The following NCALD variants were observed in gnomAD, a reference collection of about 807,000 sequenced individuals.
The protein encoded by NCALD is neurocalcin-delta.
A neutral mutation model predicts 18.6 loss-of-function variants in NCALD; 10 were observed. That is an observed-to-expected ratio of 0.54 (90% CI 0.33 to 0.91). The LOEUF is 0.91. NCALD is among the 40% of genes least tolerant of loss of function. The probability of loss-of-function intolerance (pLI) is 0.03; values close to 1 mark genes in which losing one functional copy is unlikely to be tolerated. For missense variants in NCALD, 184 were observed against 247.6 expected (o/e 0.74, Z 1.72); for synonymous variants, 88 against 87.4 (o/e 1.01, Z -0.04).
intron 1 of NCALD, among the ~76,000 whole-genome samples, chr8:102,121,114 T>A (rs1825932448): frequency 1.3e-5 from 2 of 152,172 alleles, no homozygotes; most frequent in African/African-American, 4.8e-5. Context: ...AACCAATATG[T>A]CTCAGCTTCA....
At position 101,867,251 on chromosome 8, in the gene NCALD, A is replaced by T. The variant is rs1815810573; in HGVS notation, c.-20+19890T>A. 3.9e-5 allele frequency among the ~76,000 whole-genome samples: 6 copies of T among 152,064 alleles called. No homozygotes were observed. In the South Asian group the frequency reaches 1.3e-3, roughly 32 times the overall value. ...AAATTTCAAACCGCCCCTACCTTCAATTTTCCTAGTTTTTTTCCCCTTAGC... is the reference window on the plus strand; with the variant it reads ...AAATTTCAAACCGCCCCTACCTTCATTTTTCCTAGTTTTTTTCCCCTTAGC... On this transcript the variant is annotated intron_variant, in intron 4 of 6. Transcript: ENST00000311028.
upstream of NCALD, among the ~76,000 whole-genome samples, chr8:101,791,982 C>A (rs1812463863): frequency 6.6e-6 from 1 of 152,130 alleles, no homozygotes; most frequent in Non-Finnish European, 1.5e-5. Flanking sequence ...CCAGTTAATT[C>A]TCTTTCTTAA....
chr8:101,792,454 T>C (rs1280269801), upstream of NCALD, among the ~76,000 whole-genome samples: 2 of 152,238 alleles, frequency 1.3e-5, no homozygotes, highest in Non-Finnish European at 2.9e-5. Flanking sequence ...CTGATGCGAT[T>C]AGCTGTGGCA....
chr8:102,005,883 T>TG (rs769258109), intron 2 of NCALD, among the ~76,000 whole-genome samples: 2 of 13,428 alleles, frequency 1.5e-4, no homozygotes, highest in African/African-American at 3.0e-4. Flanking sequence ...TGTTGTGGGG[T>TG]GGGGGGGCAG....
chr8:101,913,775 C>G (rs994787331), intron 3 of NCALD, among the ~76,000 whole-genome samples: 1 of 152,034 alleles, frequency 6.6e-6, no homozygotes, highest in African/African-American at 2.4e-5. Context: ...AGAGATGGGG[C>G]TTCTCCATGT....
At chr8:102,064,661 C>T (rs1244639459) in intron 1 of NCALD, among the ~76,000 whole-genome samples, 1 of 152,176 alleles carries the variant, frequency 6.6e-6, no homozygotes, top group Admixed American at 6.5e-5. Flanking sequence ...GCTTATTAAC[C>T]TCTGAAAGCT....
intron 1 of NCALD, among the ~76,000 whole-genome samples, chr8:101,744,239 A>C (rs986566623): frequency 5.9e-5 from 9 of 152,298 alleles, no homozygotes; most frequent in East Asian, 5.8e-4. Context: ...GCAGGCAGGG[A>C]AGCACAGTCT....
chr8:101,829,974 G>GTTTTTTTT lies in NCALD; in HGVS notation c.-20+57159_-20+57166dup, dbSNP rs35295834. 1.4e-3 allele frequency among the ~76,000 whole-genome samples: 158 copies of GTTTTTTTT among 116,124 alleles called. 1 individual carries two copies. The highest frequency in any genetic ancestry group is 4.9e-3 in the African/African-American group (148 of 30,284). 76.2% of individuals were successfully genotyped at this position (116,124 alleles called of 152,430 possible). A position where few individuals can be genotyped will look rare whatever the true frequency, so the allele number is the denominator to read the frequency against. ...GAAGAACATTTACCCAGTCACATGG[G>GTTTTTTTT]TTTTTTTTTTTTTTTTTTTTGCTAA... On this transcript the variant is annotated intron_variant, in intron 4 of 6. Coordinates refer to the NCALD transcript ENST00000311028.
intron 1 of NCALD, among the ~76,000 whole-genome samples, chr8:102,106,837 G>T (rs909004226): frequency 6.6e-6 from 1 of 151,978 alleles, no homozygotes; most frequent in East Asian, 1.9e-4. Context: ...TCTGTCTTTC[G>T]GTATGTAGAC....
intron 2 of NCALD, among the ~76,000 whole-genome samples, chr8:101,927,936 A>G (rs1818399257): frequency 6.6e-6 from 1 of 152,182 alleles, no homozygotes; most frequent in African/African-American, 2.4e-5. Context: ...TAAAAAACCT[A>G]AAAATAACAG....
chr8:101,693,012 A>C (rs1419337949), intron 2 of NCALD, 116 bp from the exon 3 acceptor site: 10 of 698,672 alleles, frequency 1.4e-5, no homozygotes, highest in Non-Finnish European at 2.2e-5. Context: ...CATTGGACCT[A>C]GTCCTACCCC....
chr8:101,942,342 G>C (rs1818991243), intron 2 of NCALD, among the ~76,000 whole-genome samples: 1 of 152,086 alleles, frequency 6.6e-6, no homozygotes, highest in Admixed American at 6.5e-5. Context: ...CTGTGCTATG[G>C]CAACTTTTCA....
chr8:101,798,453 A>G (rs1241305562), intron 4 of NCALD, among the ~76,000 whole-genome samples: 1 of 152,258 alleles, frequency 6.6e-6, no homozygotes, highest in Non-Finnish European at 1.5e-5. Flanking sequence ...CTAACAAAAC[A>G]GGTACAGGAC....
chr8:101,924,175 A>G (rs1325259405), intron 2 of NCALD, among the ~76,000 whole-genome samples: 1 of 152,200 alleles, frequency 6.6e-6, no homozygotes, highest in Non-Finnish European at 1.5e-5. Context: ...GAACATTTAG[A>G]TAAAAATGGC....
intron 4 of NCALD, among the ~76,000 whole-genome samples, chr8:101,826,049 G>A (rs1253227906): frequency 1.3e-5 from 2 of 152,128 alleles, no homozygotes; most frequent in African/African-American, 4.8e-5. Flanking sequence ...AATATTTAGA[G>A]GAGAGGAGAG....
At chr8:102,056,487 A>G (rs1823655886) in intron 1 of NCALD, among the ~76,000 whole-genome samples, 1 of 152,232 alleles carries the variant, frequency 6.6e-6, no homozygotes, top group Non-Finnish European at 1.5e-5. Flanking sequence ...CAGTCAGTGT[A>G]TTTTTGAAGG....
chr8:102,058,606 T>C (rs1277075051), intron 1 of NCALD, among the ~76,000 whole-genome samples: 2 of 152,188 alleles, frequency 1.3e-5, no homozygotes, highest in Non-Finnish European at 2.9e-5. Flanking sequence ...AGCTGTACTC[T>C]CTCCCTCGCT....
At position 101,689,047 on chromosome 8, in the gene NCALD, T is replaced by C. The variant is rs1265555741; in HGVS notation, c.*262A>G. ...ACAGAGACATTAGAATAAAAAAAAA[T>C]AATAGTAACGATTAAAAATCATCAA... On this transcript the variant is annotated 3_prime_UTR_variant, in exon 4 of 4. Coordinates refer to ENST00000220931, the MANE Select transcript of NCALD (RefSeq NM_032041.3). The surrounding 1 kb of genome is among the most constrained non-coding windows in gnomAD (Gnocchi z 4.4). The C allele has an allele frequency of 1.4e-6, 1 of 694,422 alleles. No individual in the cohort carries two copies. Among genetic ancestry groups the C allele is most frequent in the Middle Eastern group, 2.3e-4 (1 of 4,334 alleles). The allele number at this position is 694,422 out of a possible 1,614,324, so 43.0% of individuals were successfully genotyped here. A position where few individuals can be genotyped will look rare whatever the true frequency, so the allele number is the denominator to read the frequency against.
chr8:102,039,296 C>T (rs1276032749), intron 1 of NCALD, among the ~76,000 whole-genome samples: 1 of 152,072 alleles, frequency 6.6e-6, no homozygotes. Context: ...AATTTTCTTA[C>T]ACAGCAATAG....
Sources: allele counts gnomAD v4.1 joint callset (sites outside exome capture counted in the v4.1 genomes callset), GRCh38; gene constraint gnomAD v4.1.1; non-coding constraint Gnocchi (gnomAD v3.1); transcripts MANE v1.5; gene names NCBI Gene and HGNC (gene_info 2026-07-23, HGNC 2026-07-21).